SFMBT2: variants seen among roughly 807,000 people sequenced by gnomAD.
The protein encoded by SFMBT2 is Scm like with four mbt domains 2, also known as scm-like with four MBT domains protein 2.
Under a neutral mutation model 110.1 loss-of-function variants are expected in SFMBT2, and 38 were observed. That is an observed-to-expected ratio of 0.35 (90% CI 0.27 to 0.45). The LOEUF (loss-of-function observed/expected upper bound fraction) is 0.45, where lower values mean the gene tolerates loss of function less well. SFMBT2 is among the 20% of genes least tolerant of loss of function. SFMBT2 has a pLI of 1.00. For synonymous variants in SFMBT2, 425 were observed against 425.4 expected (o/e 1.00, Z 0.01); for missense variants, 1,011 against 1,094.9 (o/e 0.92, Z 1.08).
chr10:7,355,726 T>C (rs1413833886), intron 4 of SFMBT2, among the ~76,000 whole-genome samples: 1 of 152,100 alleles, frequency 6.6e-6, no homozygotes, highest in African/African-American at 2.4e-5. Context: ...GGCAGAGAAC[T>C]GCTTGAACCC....
chr10:7,251,031 C>A (rs746566400), intron 7 of SFMBT2, among the ~76,000 whole-genome samples: 12 of 152,040 alleles, frequency 7.9e-5, no homozygotes, highest in Admixed American at 2.6e-4. Flanking sequence ...ATGTTTCTAG[C>A]ACAAAGAAAA....
At chr10:7,289,772 C>T (rs755983325) in intron 4 of SFMBT2, among the ~76,000 whole-genome samples, 40 of 152,112 alleles carry the variant, frequency 2.6e-4, no homozygotes, top group Admixed American at 5.2e-4. Context: ...AAAATAAAAA[C>T]TAAGTATAAC....
chr10:7,264,921 A>G (rs1841331463), intron 7 of SFMBT2, among the ~76,000 whole-genome samples: 1 of 148,116 alleles, frequency 6.8e-6, no homozygotes, highest in Non-Finnish European at 1.5e-5. Flanking sequence ...GAAAAGACGG[A>G]CATTTTAAAA....
intron 9 of SFMBT2, among the ~76,000 whole-genome samples, chr10:7,230,247 C>A (rs1405339794): frequency 1.3e-5 from 2 of 152,118 alleles, no homozygotes; most frequent in Non-Finnish European, 2.9e-5. Context: ...TTCTCCTGCC[C>A]TTCTCTCTAA....
At chr10:7,239,468 G>A (rs996621691) in intron 9 of SFMBT2, among the ~76,000 whole-genome samples, 2 of 152,108 alleles carry the variant, frequency 1.3e-5, no homozygotes, top group Non-Finnish European at 2.9e-5. Flanking sequence ...CTGGTGTTGA[G>A]ATGCAAGATG....
At chr10:7,193,725 C>T (rs991589422) in intron 15 of SFMBT2, among the ~76,000 whole-genome samples, 7 of 152,216 alleles carry the variant, frequency 4.6e-5, no homozygotes, top group African/African-American at 9.6e-5. Context: ...TAGCCTGATA[C>T]ACTGTCTATA....
intron 1 of SFMBT2, among the ~76,000 whole-genome samples, chr10:7,403,728 G>C (rs140565840): frequency 6.6e-6 from 1 of 152,290 alleles, no homozygotes; most frequent in East Asian, 1.9e-4. Flanking sequence ...ACAATCTTAA[G>C]ACAATGTATA....
At chr10:7,286,237 G>C (rs1842083647) in intron 4 of SFMBT2, 1 of 175,294 alleles carries the variant, frequency 5.7e-6, no homozygotes, top group African/African-American at 2.4e-5. Context: ...AAACCACAAA[G>C]AAATTATAAA....
chr10:7,293,127 C>T lies in SFMBT2; in HGVS notation c.437-7173G>A, dbSNP rs1842309513. 6.6e-6 allele frequency among the ~76,000 whole-genome samples: 1 copy of T among 152,130 alleles called. No individual in the cohort carries two copies. The highest frequency in any genetic ancestry group is 2.1e-4 in the South Asian group (1 of 4,830). The stretch of plus-strand genomic sequence containing the variant: ...GCAGTGGCGCGATCTCGACTCACTG[C>T]AACCTCCACCTCCTGGGTTCAAGCG... On this transcript the variant is annotated intron_variant, in intron 4 of 20. Transcript: ENST00000397167. This position sits in a 1 kb window ranked among gnomAD's most constrained non-coding sequence, Gnocchi z 4.6.
intron 4 of SFMBT2, among the ~76,000 whole-genome samples, chr10:7,344,395 A>G (rs1253834779): frequency 6.6e-6 from 1 of 152,140 alleles, no homozygotes; most frequent in Admixed American, 6.5e-5. Flanking sequence ...ACAAGATCTG[A>G]TGGTTTTATA....
intron 4 of SFMBT2, among the ~76,000 whole-genome samples, chr10:7,336,397 A>G (rs1300920284): frequency 6.6e-6 from 1 of 152,212 alleles, no homozygotes; most frequent in Admixed American, 6.5e-5. Context: ...ACCAAACTTC[A>G]AGGCAACTTT....
At chr10:7,376,550 T>G (rs745535394) in intron 2 of SFMBT2, among the ~76,000 whole-genome samples, 7 of 150,120 alleles carry the variant, frequency 4.7e-5, no homozygotes, top group Non-Finnish European at 1.0e-4. Flanking sequence ...ACACAAAAAA[T>G]TAGCCAGGCG....
intron 4 of SFMBT2, among the ~76,000 whole-genome samples, chr10:7,357,921 A>G (rs79861948): frequency 0.014 from 2,079 of 152,170 alleles, 14 homozygotes; most frequent in Middle Eastern, 0.027. Context: ...GTGAAACCCA[A>G]TGGAACCCAG....
rs191029797 is a variant in SFMBT2, at chr10:7,320,490, A to C, written c.437-34536T>G. ...ATCCTTTGAAATCTTCTTTCCTTCTATTTTTTTCCTGGAGAATCACTGGAG... is the reference window on the plus strand; with the variant it reads ...ATCCTTTGAAATCTTCTTTCCTTCTCTTTTTTTCCTGGAGAATCACTGGAG... On this transcript the variant is annotated intron_variant, in intron 4 of 20. Transcript: ENST00000397167. 9.4e-6 allele frequency: 6 copies of C among 639,030 alleles called. No individual in the cohort carries two copies. The East Asian group carries it at 5.6e-4, about 59-fold the overall frequency. 39.6% of individuals were successfully genotyped at this position (639,030 alleles called of 1,614,324 possible).
chr10:7,182,480 A>G (rs1488742681), intron 16 of SFMBT2, among the ~76,000 whole-genome samples: 1 of 152,196 alleles, frequency 6.6e-6, no homozygotes, highest in Non-Finnish European at 1.5e-5. Flanking sequence ...ATGTCCAACA[A>G]TGATAGACTG....
At chr10:7,307,065 G>A (rs1025178874) in intron 4 of SFMBT2, among the ~76,000 whole-genome samples, 13 of 151,874 alleles carry the variant, frequency 8.6e-5, no homozygotes, top group South Asian at 6.2e-4. Flanking sequence ...ACAGCACTTA[G>A]AAAAATATAA....
intron 2 of SFMBT2, among the ~76,000 whole-genome samples, chr10:7,375,904 G>C (rs2132068103): frequency 6.6e-6 from 1 of 152,166 alleles, no homozygotes; most frequent in Non-Finnish European, 1.5e-5. Context: ...GAAGAGTGAG[G>C]CCTGAATTTT....
intron 4 of SFMBT2, among the ~76,000 whole-genome samples, chr10:7,352,685 T>A (rs1305573954): frequency 6.6e-6 from 1 of 151,900 alleles, no homozygotes; most frequent in African/African-American, 2.4e-5. Context: ...AGTGAAACAG[T>A]CAACAGCAGG....
chr10:7,176,392 A>G (rs1838055062), intron 16 of SFMBT2: 1 of 818,552 alleles, frequency 1.2e-6, no homozygotes, highest in Non-Finnish European at 1.5e-6. Flanking sequence ...CCACTTCCAT[A>G]AACACCCCCA....
Sources: allele counts gnomAD v4.1 joint callset (sites outside exome capture counted in the v4.1 genomes callset), GRCh38; gene constraint gnomAD v4.1.1; non-coding constraint Gnocchi (gnomAD v3.1); transcripts MANE v1.5; gene names NCBI Gene and HGNC (gene_info 2026-07-23, HGNC 2026-07-21).